Variants in PCDHA5 observed in about 807,000 individuals in gnomAD.
PCDHA5 encodes protocadherin alpha-5.
A neutral mutation model predicts 61.6 loss-of-function variants in PCDHA5; 43 were observed. The observed-to-expected ratio is 0.70, with a 90% CI of 0.55 to 0.90. The LOEUF (loss-of-function observed/expected upper bound fraction) is 0.90, where lower values mean the gene tolerates loss of function less well. Among genes scored for constraint, PCDHA5 ranks in the 40% least tolerant of loss-of-function variants. PCDHA5 has a pLI of 0.00. For missense variants in PCDHA5, 1,298 were observed against 1,222.7 expected (o/e 1.06, Z -0.92); for synonymous variants, 627 against 543.9 (o/e 1.15, Z -2.13).
At chr5:141,004,810 A>G (rs2098182429) in intron 3 of PCDHA5, among the ~76,000 whole-genome samples, 1 of 152,224 alleles carries the variant, frequency 6.6e-6, no homozygotes, top group Non-Finnish European at 1.5e-5. Flanking sequence ...GCTCAATTGC[A>G]GATTTGATTA....
chr5:140,908,919 G>A (rs781892541), intron 1 of PCDHA5, among the ~76,000 whole-genome samples: 1 of 152,158 alleles, frequency 6.6e-6, no homozygotes, highest in Non-Finnish European at 1.5e-5. Context: ...TGTAGGAGGG[G>A]CCAAATGCAG....
In PCDHA5 at chr5:141,009,987, A is replaced by C. The variant is rs2154001821; in HGVS notation, c.*50A>C. The C allele has an allele frequency of 6.3e-7, 1 of 1,580,396 alleles. No individual in the cohort carries two copies. Among genetic ancestry groups the C allele is most frequent in the East Asian group, 2.2e-5 (1 of 44,670 alleles). On this transcript the variant is annotated 3_prime_UTR_variant, in exon 4 of 4. Coordinates refer to ENST00000529859, the MANE Select transcript of PCDHA5 (RefSeq NM_018908.3). The stretch of plus-strand genomic sequence containing the variant: ...TTAGCCAGTTTTTGTAATAATGGCA[A>C]ATCTCTCCCATGTAGCAATTCCCTG...
At chr5:140,838,432 A>G (rs1426566624) in intron 1 of PCDHA5, among the ~76,000 whole-genome samples, 2 of 151,466 alleles carry the variant, frequency 1.3e-5, no homozygotes, top group African/African-American at 4.9e-5. Flanking sequence ...CCTAAATTAT[A>G]TATTGGGTTT....
chr5:140,893,778 A>G (rs1017243223), intron 1 of PCDHA5, among the ~76,000 whole-genome samples: 2 of 151,936 alleles, frequency 1.3e-5, no homozygotes, highest in South Asian at 4.2e-4. Flanking sequence ...CTTTTCTTTT[A>G]CCGTTTTTAG....
At chr5:140,984,433 T>C (rs2097103477) in intron 3 of PCDHA5, among the ~76,000 whole-genome samples, 1 of 152,182 alleles carries the variant, frequency 6.6e-6, no homozygotes, top group East Asian at 1.9e-4. Flanking sequence ...GAAGGGGATC[T>C]CCCTTGTTCC....
intron 1 of PCDHA5, chr5:140,877,410 C>G (rs1339534741): frequency 7.4e-6 from 12 of 1,613,922 alleles, no homozygotes; most frequent in Non-Finnish European, 9.3e-6. Context: ...CGCGCCACCG[C>G]CTGCTGGTGC....
chr5:140,853,959 GC>G, intron 1 of PCDHA5: 1 of 736,848 alleles, frequency 1.4e-6, no homozygotes, highest in Non-Finnish European at 1.7e-6. Context: ...CCTTCCTTGA[GC>G]CCAGCAGTTT....
At chr5:140,978,703 G>A (rs556167285) in intron 1 of PCDHA5, among the ~76,000 whole-genome samples, 9 of 152,210 alleles carry the variant, frequency 5.9e-5, no homozygotes, top group Non-Finnish European at 1.3e-4. Flanking sequence ...AGCCAAAGGT[G>A]GCCTTTACAA....
chr5:140,983,059 C>G (rs1325414567), intron 3 of PCDHA5, among the ~76,000 whole-genome samples: 1 of 151,980 alleles, frequency 6.6e-6, no homozygotes, highest in African/African-American at 2.4e-5. Flanking sequence ...TTATCGGAAC[C>G]AAGGCATTGT....
At chr5:140,876,742 G>C (rs1554168860) in intron 1 of PCDHA5, 3 of 1,614,274 alleles carry the variant, frequency 1.9e-6, no homozygotes, top group Admixed American at 3.3e-5. Context: ...CTATGAGCTG[G>C]TGGTGACTGC....
chr5:140,822,752 C>T lies in PCDHA5; in HGVS notation c.977C>T (p.Thr326Ile), dbSNP rs200831175. The change falls in exon 1 of 4, where the codon ACA becomes ATA. Residue 326 changes from threonine (T) to isoleucine (I), a missense_variant. Physicochemically the swap from Thr to Ile is moderately conservative, Grantham distance 89. Transcript: ENST00000529859. ...AATATTGATGCCATGGATAAAAGTA[C>T]ATTCCCATTATCAGGACACTGTAAA... ...EINIDAMDKS[T>I]FPLSGHCKVV... 3.1e-6 allele frequency: 5 copies of T among 1,613,700 alleles called. No homozygotes were observed. The highest frequency in any genetic ancestry group is 1.6e-4 in the Middle Eastern group (1 of 6,062).
intron 1 of PCDHA5, among the ~76,000 whole-genome samples, chr5:140,940,172 C>T (rs1177302028): frequency 6.6e-6 from 1 of 152,102 alleles, no homozygotes; most frequent in Non-Finnish European, 1.5e-5. Flanking sequence ...AAATGTCATT[C>T]TTGATAGATA....
chr5:140,845,456 CTGATATT>C (rs1779887189), intron 1 of PCDHA5, among the ~76,000 whole-genome samples: 2 of 149,562 alleles, frequency 1.3e-5, no homozygotes, highest in Admixed American at 1.3e-4. Context: ...CTTCAACTCT[CTGATATT>C]TGAATTTGGG....
At chr5:140,832,358 T>G (rs1293168381) in intron 1 of PCDHA5, among the ~76,000 whole-genome samples, 1 of 152,342 alleles carries the variant, frequency 6.6e-6, no homozygotes, top group South Asian at 2.1e-4. Flanking sequence ...TTTCCTAATG[T>G]GAGCATTTTC....
chr5:140,953,713 A>T (rs1372806666), intron 1 of PCDHA5, among the ~76,000 whole-genome samples: 1 of 152,218 alleles, frequency 6.6e-6, no homozygotes, highest in Admixed American at 6.5e-5. Context: ...TGAGCTTCAG[A>T]CATTGTGTTT....
Position 140,822,396 on chromosome 5 carries a change from C to T in PCDHA5, c.621C>T (p.His207=), listed in dbSNP as rs2150116013. Residue 207 remains histidine, a synonymous_variant, in exon 1 of 4, where the codon CAC becomes CAT. Coordinates refer to ENST00000529859, the MANE Select transcript of PCDHA5 (RefSeq NM_018908.3). ...KSLDREETQE[H]RLLVIATDGG... ...TAGATAGAGAAGAAACACAAGAACA[C>T]CGTTTATTAGTGATTGCAACTGATG... 3 of 1,613,902 alleles carry T rather than the reference C, an allele frequency of 1.9e-6. No homozygotes were observed. The highest frequency in any genetic ancestry group is 2.5e-6 in the Non-Finnish European group (3 of 1,180,022).
chr5:140,854,012 A>G (rs1356134246), intron 1 of PCDHA5: 2 of 368,086 alleles, frequency 5.4e-6, no homozygotes, highest in African/African-American at 4.5e-5. Flanking sequence ...AAAAAAAAAA[A>G]TTAGCCGGGC....
chr5:141,006,343 C>T (rs1036137270), intron 3 of PCDHA5, among the ~76,000 whole-genome samples: 41 of 152,038 alleles, frequency 2.7e-4, no homozygotes, highest in African/African-American at 8.9e-4. Context: ...TCCTGAGTAG[C>T]TGGGACTATA....
At chr5:140,835,948 C>T (rs2150248824) in intron 1 of PCDHA5, 2 of 1,612,794 alleles carry the variant, frequency 1.2e-6, no homozygotes, top group East Asian at 2.2e-5. Context: ...GCGCTGCAGC[C>T]GTTGGACCAC....
Sources: allele counts gnomAD v4.1 joint callset (sites outside exome capture counted in the v4.1 genomes callset), GRCh38; gene constraint gnomAD v4.1.1; transcripts MANE v1.5; gene names NCBI Gene and HGNC (gene_info 2026-07-23, HGNC 2026-07-21).